The following MATR3 variants were observed in gnomAD, a reference collection of about 807,000 sequenced individuals.
MATR3 encodes matrin-3.
In MATR3, 4 loss-of-function variants were observed where a neutral mutation model predicts 85.5. The observed-to-expected ratio is 0.05, with a 90% CI of 0.02 to 0.11. The LOEUF is 0.11. Ranked by LOEUF, MATR3 falls within the 10% of genes least tolerant of loss-of-function variation. MATR3 has a pLI of 1.00. For synonymous variants in MATR3, 336 were observed against 343.1 expected, an observed-to-expected ratio of 0.98 and a Z score of 0.23; for missense variants, 685 against 1,016.1, an observed-to-expected ratio of 0.67 and a Z score of 4.43.
At chr5:139,328,961 C>G (rs1037287604) in intron 14 of MATR3, among the ~76,000 whole-genome samples, 6 of 151,678 alleles carry the variant, frequency 4.0e-5, no homozygotes, top group South Asian at 2.1e-4. Context: ...GCCGAGATCA[C>G]GACACTGCAC....
At chr5:139,313,740 A>G (rs1316283382) in intron 2 of MATR3, 6 of 152,180 alleles carry the variant, frequency 3.9e-5, no homozygotes, top group Admixed American at 6.5e-5. Flanking sequence ...AGGGAGCATA[A>G]TATTTTGATA....
At position 139,316,061 on chromosome 5, in the gene MATR3, T is replaced by G; in HGVS notation, c.1017-15T>G. The G allele has an allele frequency of 3.2e-6, 5 of 1,559,398 alleles. No individual in the cohort carries two copies. The highest frequency in any genetic ancestry group is 4.4e-6 in the Non-Finnish European group (5 of 1,131,200). On this transcript the variant is annotated splice_polypyrimidine_tract_variant and intron_variant, in intron 4 of 14. Coordinates refer to ENST00000394805, the MANE Select transcript of MATR3 (RefSeq NM_018834.6). ...TCTTTATTATGATTTATATTTTATG[T>G]CTTCACTTTACTAGGGGTGATCCAT...
chr5:139,291,970 A>G (rs1753887906), upstream of MATR3: 1 of 105,714 alleles, frequency 9.5e-6, no homozygotes, highest in Non-Finnish European at 1.9e-5. Flanking sequence ...TTTTTGAGAC[A>G]ATGTCTGACT....
At chr5:139,318,644 T>C (rs1755381064) in intron 7 of MATR3, among the ~76,000 whole-genome samples, 1 of 152,212 alleles carries the variant, frequency 6.6e-6, no homozygotes, top group Non-Finnish European at 1.5e-5. Context: ...GGTTTCACCA[T>C]GTTGGTCGGC....
intron 2 of MATR3, among the ~76,000 whole-genome samples, chr5:139,309,052 C>CT (rs1754842412): frequency 6.6e-6 from 1 of 152,156 alleles, no homozygotes; most frequent in Admixed American, 6.5e-5. Flanking sequence ...TAAACAAATT[C>CT]TTTTTCTGAG....
intron 1 of MATR3, among the ~76,000 whole-genome samples, chr5:139,298,064 G>T (rs892747228): frequency 6.6e-6 from 1 of 152,144 alleles, no homozygotes; most frequent in South Asian, 2.1e-4. Flanking sequence ...ATTAATATTA[G>T]GGAGCAGTAT....
chr5:139,276,551 T>A (rs1753282976), intron 2 of MATR3, among the ~76,000 whole-genome samples: 1 of 152,358 alleles, frequency 6.6e-6, no homozygotes, highest in South Asian at 2.1e-4. Flanking sequence ...TGTGAGAGCA[T>A]GACTTTTTGC....
rs896396054 is a variant in MATR3 at position 139,319,337 on chromosome 5, C to T, written c.1438C>T (p.Pro480Ser). Residue 480 changes from proline to serine, a missense_variant, in exon 9 of 15, where the codon CCT becomes TCT. By Grantham distance (74) the Pro-to-Ser change is moderately conservative. Around this residue, in one of 9 missense-constraint regions of MATR3, gnomAD observed 30 missense variants for 23.9 expected, o/e 1.25. Transcript: ENST00000394805. ...TTGTTGTTGTTATTTATTAAAGAAA[C>T]CTGAAGGAAAGCCAGATCAGAAGTT... is the stretch of plus-strand genomic sequence containing the variant. The part of the protein sequence containing the change: ...LSQKYKRIKK[P>S]EGKPDQKFDQ... 6.2e-7 allele frequency: 1 copy of T among 1,613,932 alleles called. No individual in the cohort carries two copies. The highest frequency in any genetic ancestry group is 8.5e-7 in the Non-Finnish European group (1 of 1,179,934).
chr5:139,315,099 G>A (rs1755175903), intron 3 of MATR3: 2 of 212,016 alleles, frequency 9.4e-6, no homozygotes, highest in Admixed American at 5.2e-5. Flanking sequence ...AAAGAGGGTA[G>A]GTTATTAAAA....
chr5:139,314,392 T>C (rs1755143272), intron 2 of MATR3: 2 of 385,272 alleles, frequency 5.2e-6, no homozygotes, highest in South Asian at 4.7e-5. Flanking sequence ...GTTACTACTC[T>C]TGATCTTTAT....
chr5:139,328,989 A>C (rs1755994492), intron 14 of MATR3, among the ~76,000 whole-genome samples: 1 of 152,058 alleles, frequency 6.6e-6, no homozygotes. Context: ...TGGGCAACAG[A>C]GCAAAACTCT....
intron 14 of MATR3, among the ~76,000 whole-genome samples, chr5:139,326,506 T>C (rs1325017309): frequency 6.6e-6 from 1 of 151,790 alleles, no homozygotes. Flanking sequence ...CTGCAACCTC[T>C]ACCTCCTGGG....
intron 1 of MATR3, among the ~76,000 whole-genome samples, chr5:139,303,924 C>T (rs973856337): frequency 2.0e-5 from 3 of 152,000 alleles, no homozygotes; most frequent in African/African-American, 7.3e-5. Flanking sequence ...TTCTGTTCTC[C>T]GTGAATTTTC....
intron 1 of MATR3, among the ~76,000 whole-genome samples, chr5:139,305,431 A>G (rs1754659772): frequency 6.6e-6 from 1 of 152,242 alleles, no homozygotes; most frequent in African/African-American, 2.4e-5. Context: ...CTGACTTTTC[A>G]GTAATGCAAA....
rs765284792 is a variant in MATR3, at chr5:139,325,648, C to G, written c.2357C>G (p.Pro786Arg). ...PDEYRIGPYQ[P>R]NVPVGIDYVI... Reference sequence around the variant, plus strand: ...GAGTATAGAATTGGACCATATCAGCCCAATGTTCCTGTTGGTGAGATTTAA... The same window carrying G: ...GAGTATAGAATTGGACCATATCAGCGCAATGTTCCTGTTGGTGAGATTTAA... Residue 786 changes from proline to arginine, a missense_variant, in exon 13 of 15, where the codon CCC (proline) becomes CGC (arginine). Transcript: ENST00000394805. 2 of 1,613,768 alleles carry G rather than the reference C, an allele frequency of 1.2e-6. No individual in the cohort carries two copies. The highest frequency in any genetic ancestry group is 3.3e-5 in the Admixed American group (2 of 60,000).
At position 139,325,526 on chromosome 5, in the gene MATR3, T is replaced by C; in HGVS notation, c.2235T>C (p.Ala745=). 1 of 1,614,212 alleles carries C rather than the reference T, an allele frequency of 6.2e-7. No homozygotes were observed. The highest frequency in any genetic ancestry group is 8.5e-7 in the Non-Finnish European group (1 of 1,180,030). The change falls in exon 13 of 15, where the codon GCT becomes GCC. Residue 745 remains alanine, a synonymous_variant. Transcript: ENST00000394805. ...ATGAGGAAAACACAGAACCAGGTGC[T>C]GAATCTTCTGAGAACGCTGATGATC... ...IKNEENTEPG[A]ESSENADDPN...
chr5:139,318,381 G>A (rs1282112923), intron 7 of MATR3, among the ~76,000 whole-genome samples: 1 of 151,924 alleles, frequency 6.6e-6, no homozygotes, highest in African/African-American at 2.4e-5. Context: ...TGATCCACCC[G>A]CCTTGGCCTC....
At chr5:139,294,663 C>T (rs538645155) in intron 1 of MATR3, 127 of 148,478 alleles carry the variant, frequency 8.6e-4, no homozygotes, top group African/African-American at 3.3e-3. Context: ...CATCCTTTTT[C>T]TCTTTATCAA....
At chr5:139,328,808 C>G (rs1755984865) in intron 14 of MATR3, among the ~76,000 whole-genome samples, 2 of 152,096 alleles carry the variant, frequency 1.3e-5, no homozygotes, top group African/African-American at 4.8e-5. Flanking sequence ...TTGAGACCAG[C>G]CTGGCCAACA....
Sources: gnomAD v4.1 joint callset for allele counts (sites outside exome capture counted in the v4.1 genomes callset) on GRCh38, gnomAD v4.1.1 for gene constraint, gnomAD v4.1.1 regional missense constraint, MANE v1.5 for transcripts, NCBI Gene and HGNC (gene_info 2026-07-23, HGNC 2026-07-21) for gene names.